The following CFAP251 variants were observed in gnomAD, a reference collection of about 807,000 sequenced individuals.
CFAP251 encodes the protein cilia and flagella associated protein 251.
A neutral mutation model predicts 126.7 loss-of-function variants in CFAP251; 93 were observed. That is an observed-to-expected ratio of 0.73 (90% CI 0.62 to 0.87). The LOEUF (loss-of-function observed/expected upper bound fraction) is 0.87. Among genes scored for constraint, CFAP251 ranks in the 40% least tolerant of loss-of-function variants. CFAP251 has a pLI of 0.00. For missense variants in CFAP251, 1,287 were observed against 1,389.2 expected, an observed-to-expected ratio of 0.93 and a Z score of 1.17; for synonymous variants, 503 against 506.9, an observed-to-expected ratio of 0.99 and a Z score of 0.10.
intron 1 of CFAP251, among the ~76,000 whole-genome samples, chr12:121,919,153 T>TA (rs1880053400): frequency 6.6e-6 from 1 of 150,734 alleles, no homozygotes; most frequent in African/African-American, 2.4e-5. Flanking sequence ...ATTTTTTTTT[T>TA]ACCAGAGATG....
intron 1 of CFAP251, among the ~76,000 whole-genome samples, chr12:121,919,294 A>G (rs1334407347): frequency 6.6e-6 from 1 of 152,100 alleles, no homozygotes; most frequent in Non-Finnish European, 1.5e-5. Context: ...CTGAAAATGT[A>G]GGGATTTTTT....
At position 121,958,965 on chromosome 12, in the gene CFAP251, T is replaced by C; in HGVS notation, c.2004T>C (p.Phe668=). Residue 668 remains phenylalanine (F), a synonymous_variant, in exon 13 of 22, where the codon TTT becomes TTC. Coordinates refer to ENST00000288912, the MANE Select transcript of CFAP251 (RefSeq NM_144668.6). The part of the protein sequence containing the change: ...NPEGALLGAG[F]TEGTVYILDA... ...CAGGAGCCCTTCTTGGAGCTGGCTT[T>C]ACAGAGGGGACAGTTTACATTCTTG... The C allele has an allele frequency of 6.3e-7, 1 of 1,595,556 alleles. No homozygotes were observed. Among genetic ancestry groups the C allele is most frequent in the Non-Finnish European group, 8.5e-7 (1 of 1,175,008 alleles).
chr12:121,966,331 C>T (rs1821123306), intron 15 of CFAP251, among the ~76,000 whole-genome samples: 1 of 137,180 alleles, frequency 7.3e-6, no homozygotes, highest in Admixed American at 7.6e-5. Flanking sequence ...CGTGATTTCA[C>T]CTCATTACAA....
chr12:121,999,484 T>A (rs1883100049), intron 19 of CFAP251: 2 of 356,700 alleles, frequency 5.6e-6, no homozygotes, highest in Admixed American at 8.2e-5. Flanking sequence ...CAAGTGATTC[T>A]CATACTGTGC....
intron 19 of CFAP251, chr12:121,992,180 C>T (rs1882891230): frequency 1.0e-6 from 1 of 984,968 alleles, no homozygotes; most frequent in Non-Finnish European, 1.2e-6. Context: ...GCCATCTTCA[C>T]ACGGGGGCGT....
chr12:121,995,016 G>C (rs77055368), intron 19 of CFAP251, among the ~76,000 whole-genome samples: 2 of 152,292 alleles, frequency 1.3e-5, no homozygotes, highest in African/African-American at 2.4e-5. Flanking sequence ...TTGAATGCTT[G>C]CTATGTGTTA....
chr12:121,979,428 C>T (rs1013233867), intron 19 of CFAP251, among the ~76,000 whole-genome samples: 1 of 152,164 alleles, frequency 6.6e-6, no homozygotes, highest in East Asian at 1.9e-4. Flanking sequence ...TGCCCAGGTC[C>T]AGCCAATCGG....
In CFAP251 at chr12:122,003,816, C is replaced by T. The variant is rs1388968199; in HGVS notation, c.*52C>T. ...AGGACTTTGGGTGTGTGTGCATGCA[C>T]ATGTGTGTGTTTTCCATGAGGCACT... On this transcript the variant is annotated 3_prime_UTR_variant, in exon 22 of 22. Transcript: ENST00000288912. The T allele has an allele frequency of 7.2e-7, 1 of 1,387,506 alleles. No homozygotes were observed. The highest frequency in any genetic ancestry group is 1.5e-5 in the African/African-American group (1 of 66,984). 85.9% of individuals were successfully genotyped at this position (1,387,506 alleles called of 1,614,324 possible).
At chr12:121,925,373 C>G (rs775128398) in intron 3 of CFAP251, among the ~76,000 whole-genome samples, 7 of 152,166 alleles carry the variant, frequency 4.6e-5, no homozygotes, top group Non-Finnish European at 8.8e-5. Flanking sequence ...CCTGTAGATT[C>G]ATGCCTTTGG....
chr12:121,984,059 G>A (rs1174226520), intron 19 of CFAP251, among the ~76,000 whole-genome samples: 4 of 152,142 alleles, frequency 2.6e-5, no homozygotes, highest in Non-Finnish European at 5.9e-5. Flanking sequence ...CAGAAAAGAC[G>A]CAGATGCAGG....
At chr12:121,948,959 T>C (rs755332992) in intron 7 of CFAP251, 25 bp from the exon 8 acceptor site, 1 of 1,346,588 alleles carries the variant, frequency 7.4e-7, no homozygotes, top group African/African-American at 1.5e-5. Context: ...TTATCATTAA[T>C]GTATTTTCAT....
At chr12:121,957,699 G>A (rs1881777199) in intron 11 of CFAP251, among the ~76,000 whole-genome samples, 1 of 62,458 alleles carries the variant, frequency 1.6e-5, no homozygotes, top group East Asian at 4.0e-4. Context: ...GCGAGACTCT[G>A]TCTCAAAAAA....
chr12:121,938,854 A>G (rs1880994241), intron 5 of CFAP251, among the ~76,000 whole-genome samples: 1 of 151,428 alleles, frequency 6.6e-6, no homozygotes, highest in African/African-American at 2.4e-5. Flanking sequence ...GTCGGGCATA[A>G]TGGTGCACTC....
Position 122,003,700 on chromosome 12 carries a change from A to C in CFAP251, c.3386A>C (p.Glu1129Ala), listed in dbSNP as rs754938886. ...GAACTTCCAGACGAAATCACTGCAGAAATATTCGCGACTGAAATTCTTGGC... is the reference window on the plus strand; with the variant it reads ...GAACTTCCAGACGAAATCACTGCAGCAATATTCGCGACTGAAATTCTTGGC... The part of the protein sequence containing the change: ...EEELPDEITA[E>A]IFATEILGLT... Residue 1129 changes from glutamate (E) to alanine (A), a missense_variant, in exon 22 of 22, where the codon GAA becomes GCA. By Grantham distance (107) the Glu-to-Ala change is moderately radical. Transcript: ENST00000288912. 2.5e-6 allele frequency: 4 copies of C among 1,610,386 alleles called. No homozygotes were observed. Among genetic ancestry groups the C allele is most frequent in the Admixed American group, 3.4e-5 (2 of 58,922 alleles).
In CFAP251 at chr12:121,958,474, G is replaced by C. The variant is rs890626203; in HGVS notation, c.1933G>C (p.Val645Leu). 3.1e-6 allele frequency: 5 copies of C among 1,614,116 alleles called. No homozygotes were observed. The highest frequency in any genetic ancestry group is 3.3e-5 in the Admixed American group (2 of 60,010). The change falls in exon 12 of 22, where the codon GTT (valine) becomes CTT (leucine). Residue 645 changes from valine to leucine, a missense_variant. By Grantham distance (32) the Val-to-Leu change is conservative. Transcript: ENST00000288912. ...YENKQYLFSRVFEKGLGVQSL... is the reference protein window; with the variant it reads ...YENKQYLFSRLFEKGLGVQSL... ...AAACAAACAATATCTTTTCAGCAGG[G>C]TTTTTGAGAAGGGGCTTGGAGTCCA...
At chr12:122,000,897 C>T (rs1434099824) in intron 20 of CFAP251, among the ~76,000 whole-genome samples, 1 of 151,388 alleles carries the variant, frequency 6.6e-6, no homozygotes, top group Non-Finnish European at 1.5e-5. Context: ...ATTTTTGTGT[C>T]TAAAGAAAAG....
intron 19 of CFAP251, among the ~76,000 whole-genome samples, chr12:121,980,263 G>A (rs1398418918): frequency 1.3e-5 from 2 of 152,170 alleles, no homozygotes; most frequent in Non-Finnish European, 2.9e-5. Context: ...ACGTGGGCAG[G>A]TGTCTCAGCC....
intron 7 of CFAP251, among the ~76,000 whole-genome samples, chr12:121,946,085 A>C (rs2135768579): frequency 6.6e-6 from 1 of 152,300 alleles, no homozygotes; most frequent in South Asian, 2.1e-4. Context: ...GTGTGATCTG[A>C]TCCCTCCATC....
At chr12:121,930,688 C>G (rs1880646946) in intron 3 of CFAP251, among the ~76,000 whole-genome samples, 1 of 151,648 alleles carries the variant, frequency 6.6e-6, no homozygotes, top group Admixed American at 6.6e-5. Context: ...CATCCTTTAT[C>G]CTTCCAGTAG....
Sources: allele counts gnomAD v4.1 joint callset (sites outside exome capture counted in the v4.1 genomes callset), GRCh38; gene constraint gnomAD v4.1.1; transcripts MANE v1.5; gene names NCBI Gene and HGNC (gene_info 2026-07-23, HGNC 2026-07-21).